SLC23A1: variants seen among roughly 807,000 people sequenced by gnomAD.
SLC23A1 encodes Na(+)/L-ascorbic acid transporter 1.
In SLC23A1, 31 loss-of-function variants were observed where a neutral mutation model predicts 62.5. The ratio of observed to expected loss-of-function variants is 0.50; its 90% CI spans 0.37 to 0.67. The LOEUF is 0.67. Ranked by LOEUF, SLC23A1 falls within the 30% of genes least tolerant of loss-of-function variation. The pLI, the probability that SLC23A1 is intolerant of heterozygous loss-of-function variation, is 0.00. For synonymous variants in SLC23A1, 271 were observed against 313.2 expected (o/e 0.87, Z 1.42); for missense variants, 640 against 782.7 (o/e 0.82, Z 2.18).
At chr5:139,385,485 C>T (rs1043339094), upstream of SLC23A1, among the ~76,000 whole-genome samples, 8 of 151,448 alleles carry the variant, frequency 5.3e-5, no homozygotes, top group Non-Finnish European at 8.9e-5. Flanking sequence ...CCCAGTGAGA[C>T]GTGTGTTCTC....
Position 139,382,523 on chromosome 5 carries a change from G to A in SLC23A1, c.119C>T (p.Pro40Leu), listed in dbSNP as rs775943511. ...GCCCAGCAGGATGCACAGGTACCAA[G>A]GTGGCACGTCCTCGATCTTGTACAA... ...DMLYKIEDVPPWYLCILLGFQ... is the reference protein window; with the variant it reads ...DMLYKIEDVPLWYLCILLGFQ... Residue 40 changes from proline to leucine, a missense_variant, in exon 2 of 15, where the codon CCT (proline) becomes CTT (leucine). Pro to Leu is a moderately conservative substitution (Grantham distance 98, BLOSUM62 -3). Coordinates refer to ENST00000348729, the MANE Select transcript of SLC23A1 (RefSeq NM_005847.5). 59 of 1,613,362 alleles carry A rather than the reference G, an allele frequency of 3.7e-5. No homozygotes were observed. The highest frequency in any genetic ancestry group is 4.9e-5 in the Non-Finnish European group (58 of 1,179,478).
rs569952822 is a variant in SLC23A1, at chr5:139,378,859, A to G, written c.1074-175T>C. On this transcript the variant is annotated intron_variant, in intron 9 of 14. Transcript: ENST00000348729. The surrounding 1 kb of genome is among the most constrained non-coding windows in gnomAD (Gnocchi z 4.5). ...CCAGAGCTAGTCCTAGTGCCCTGGC[A>G]CTTACTCCTGTGGGTAATTCTGGCC... Among the ~76,000 whole-genome samples the G allele has an allele frequency of 1.6e-4, 24 of 152,294 alleles. No homozygotes were observed. The highest frequency in any genetic ancestry group is 3.4e-4 in the Non-Finnish European group (23 of 68,018).
At position 139,378,615 on chromosome 5, in the gene SLC23A1, C is replaced by T. The variant is rs901629514; in HGVS notation, c.1143G>A (p.Ser381=). The T allele has an allele frequency of 1.9e-6, 3 of 1,611,504 alleles. No individual in the cohort carries two copies. Among genetic ancestry groups the T allele is most frequent in the East Asian group, 2.2e-5 (1 of 44,802 alleles). Residue 381 remains serine, a synonymous_variant, in exon 10 of 15, where the codon TCG becomes TCA. Transcript: ENST00000348729. This position sits in a 1 kb window ranked among gnomAD's most constrained non-coding sequence, Gnocchi z 4.5. The stretch of plus-strand genomic sequence containing the variant: ...CCAGGACGCCAATGTTGGGACTGGA[C>T]GAGGTGGACCCGTTGCCCGTGCCCA... ...GLLGTGNGST[S]SSPNIGVLGI...
chr5:139,378,044 C>A lies in SLC23A1; in HGVS notation c.1384G>T (p.Gly462Ter). Reference protein sequence around the residue: ...MNSSRNLFVLGFSMFFGLTLP... With the variant: ...MNSSRNLFVL The stretch of plus-strand genomic sequence containing the variant: ...GTGAGCCCGAAGAACATGGAAAATC[C>A]CAGCACGAAGAGGTTGCGAGAGGAG... Residue 462 changes from glycine (G) to a stop codon, truncating the protein, a stop_gained, in exon 12 of 15, where the codon GGA becomes TGA. Coordinates refer to ENST00000348729, the MANE Select transcript of SLC23A1 (RefSeq NM_005847.5). LOFTEE classifies it high-confidence loss of function. This position sits in a 1 kb window ranked among gnomAD's most constrained non-coding sequence, Gnocchi z 4.5. 6.2e-7 allele frequency: 1 copy of A among 1,614,142 alleles called. No homozygotes were observed. The highest frequency in any genetic ancestry group is 8.5e-7 in the Non-Finnish European group (1 of 1,180,010).
In SLC23A1 at chr5:139,378,616, G is replaced by T; in HGVS notation, c.1142C>A (p.Ser381Ter). ...GLLGTGNGST[S>*]SSPNIGVLGI... ...CAGGACGCCAATGTTGGGACTGGAC[G>T]AGGTGGACCCGTTGCCCGTGCCCAA... is the stretch of plus-strand genomic sequence containing the variant. Residue 381 changes from serine to a stop codon, truncating the protein, a stop_gained, in exon 10 of 15, where the codon TCG becomes TAG. Transcript: ENST00000348729. LOFTEE classifies it high-confidence loss of function. This position sits in a 1 kb window ranked among gnomAD's most constrained non-coding sequence, Gnocchi z 4.5. 1 of 1,611,748 alleles carries T rather than the reference G, an allele frequency of 6.2e-7. No homozygotes were observed. Among genetic ancestry groups the T allele is most frequent in the Non-Finnish European group, 8.5e-7 (1 of 1,179,100 alleles).
chr5:139,382,736 CA>C (rs1216043386), intron 1 of SLC23A1, 131 bp from the exon 2 acceptor site: 1 of 637,896 alleles, frequency 1.6e-6, no homozygotes, highest in East Asian at 2.9e-5. Context: ...CCCTCCCCAA[CA>C]GTCCATCCAC....
At chr5:139,380,982 G>A (rs898649772) in intron 3 of SLC23A1, 96 bp from the exon 4 acceptor site, 4 of 656,706 alleles carry the variant, frequency 6.1e-6, no homozygotes, top group South Asian at 5.7e-5. Context: ...AGCACAGAGA[G>A]AGTGACAGAG....
chr5:139,371,518 A>G (rs1757667016), intron 14 of SLC23A1, among the ~76,000 whole-genome samples: 1 of 152,202 alleles, frequency 6.6e-6, no homozygotes, highest in Non-Finnish European at 1.5e-5. Flanking sequence ...TCCTGTTTTA[A>G]AGGGTTTTAA....
rs762849987 is a variant in SLC23A1, at chr5:139,379,275, G to T, written c.1005C>A (p.Ser335=). 5.0e-6 allele frequency: 8 copies of T among 1,614,040 alleles called. No individual in the cohort carries two copies. In the African/African-American group the frequency reaches 9.3e-5, roughly 19 times the overall value. ...GGGCACAGGCGTAGTAATCTCCGAT[G>T]GACTCAATGATGCCTGCCAGAGTGG... ...FSATLAGIIE[S]IGDYYACARL... is the part of the protein sequence containing the mutation. Residue 335 remains serine, a synonymous_variant, in exon 9 of 15, where the codon TCC becomes TCA. Coordinates refer to ENST00000348729, the MANE Select transcript of SLC23A1 (RefSeq NM_005847.5). The surrounding 1 kb of genome is among the most constrained non-coding windows in gnomAD (Gnocchi z 4.7).
upstream of SLC23A1, among the ~76,000 whole-genome samples, chr5:139,383,623 T>A (rs578259672): frequency 1.3e-5 from 2 of 152,342 alleles, no homozygotes; most frequent in African/African-American, 4.8e-5. Context: ...ACCCCCTGTA[T>A]GAGGCCCTTC....
At chr5:139,380,762 C>A in intron 4 of SLC23A1, 36 bp downstream of exon 4, 2 of 1,493,914 alleles carry the variant, frequency 1.3e-6, no homozygotes, top group South Asian at 1.2e-5. Flanking sequence ...CTGGGCCTCC[C>A]CTTTTCCCCA....
Position 139,381,933 on chromosome 5 carries a change from G to A in SLC23A1, c.267C>T (p.Cys89=), listed in dbSNP as rs759619483. 6 of 1,579,730 alleles carry A rather than the reference G, an allele frequency of 3.8e-6. No individual in the cohort carries two copies. Among genetic ancestry groups the A allele is most frequent in the East Asian group, 2.3e-5 (1 of 43,012 alleles). The change falls in exon 3 of 15, where the codon TGC becomes TGT. Residue 89 remains cysteine, a synonymous_variant. Transcript: ENST00000348729. ...VSQLIGTIFT[C]VGITTLIQTT... is the part of the protein sequence containing the mutation. ...TCTGGATGAGAGTGGTGATGCCCAC[G>A]CACGTGAAGATGGTGCCGATGAGCT...
In SLC23A1 at chr5:139,377,391, C is replaced by T. The variant is rs757634877; in HGVS notation, c.1549+11G>A. 3.3e-6 allele frequency: 5 copies of T among 1,503,266 alleles called. No homozygotes were observed. In the East Asian group the frequency reaches 9.0e-5, roughly 27 times the overall value. The allele number at this position is 1,503,266 out of a possible 1,614,324, so 93.1% of individuals were successfully genotyped here. On this transcript the variant is annotated intron_variant, in intron 13 of 14. Coordinates refer to ENST00000348729, the MANE Select transcript of SLC23A1 (RefSeq NM_005847.5). ...CTAGTTCTTCATTCCCCTCCCAGGA[C>T]CGAACCATACCTGGCACTGTGTTGT...
Position 139,378,048 on chromosome 5 carries a change from C to T in SLC23A1, c.1380G>A (p.Val460=), listed in dbSNP as rs114713976. 3.1e-6 allele frequency: 5 copies of T among 1,614,162 alleles called. No individual in the cohort carries two copies. Among genetic ancestry groups the T allele is most frequent in the Non-Finnish European group, 4.2e-6 (5 of 1,180,030 alleles). The change falls in exon 12 of 15, where the codon GTG becomes GTA. Residue 460 remains valine, a synonymous_variant. Coordinates refer to ENST00000348729, the MANE Select transcript of SLC23A1 (RefSeq NM_005847.5). The surrounding 1 kb of genome is among the most constrained non-coding windows in gnomAD (Gnocchi z 4.5). The part of the protein sequence containing the change: ...VDMNSSRNLF[V]LGFSMFFGLT... ...GCCCGAAGAACATGGAAAATCCCAG[C>T]ACGAAGAGGTTGCGAGAGGAGTTCA...
intron 12 of SLC23A1, among the ~76,000 whole-genome samples, chr5:139,377,707 C>T (rs1347483770): frequency 6.6e-6 from 1 of 152,222 alleles, no homozygotes; most frequent in African/African-American, 2.4e-5. Context: ...TCTTCCTCAT[C>T]TGTAAAGTTG....
chr5:139,378,386 G>C lies in SLC23A1; in HGVS notation c.1180-35C>G. The C allele has an allele frequency of 6.5e-7, 1 of 1,547,548 alleles. No individual in the cohort carries two copies. ...AGCCAGCGGGGAAGCTAGACCTGGG[G>C]ACGAGGCTGGGGCGGGGTTAGTTCC... On this transcript the variant is annotated intron_variant, in intron 10 of 14. Coordinates refer to ENST00000348729, the MANE Select transcript of SLC23A1 (RefSeq NM_005847.5). This position sits in a 1 kb window ranked among gnomAD's most constrained non-coding sequence, Gnocchi z 4.5.
chr5:139,382,132 GC>G, intron 2 of SLC23A1, 83 bp from the exon 3 acceptor site: 1 of 1,383,220 alleles, frequency 7.2e-7, no homozygotes, highest in Non-Finnish European at 9.9e-7. Context: ...CCTCATGCCT[GC>G]CTCAGCGGGC....
chr5:139,380,735 C>T, intron 4 of SLC23A1, 63 bp downstream of exon 4: 1 of 1,464,752 alleles, frequency 6.8e-7, no homozygotes, highest in Non-Finnish European at 9.5e-7. Flanking sequence ...GGGACAGTTG[C>T]TCAGACCTCC....
chr5:139,384,639 C>G, upstream of SLC23A1: 2 of 1,228,776 alleles, frequency 1.6e-6, no homozygotes, highest in Non-Finnish European at 2.1e-6. Context: ...AGCCCGACCC[C>G]CTGCAGATAC....
Sources: gnomAD v4.1 joint callset for allele counts (sites outside exome capture counted in the v4.1 genomes callset) on GRCh38, gnomAD v4.1.1 for gene constraint, Gnocchi (gnomAD v3.1) non-coding constraint, MANE v1.5 for transcripts, NCBI Gene and HGNC (gene_info 2026-07-23, HGNC 2026-07-21) for gene names.